The following EFNB2 variants were observed in gnomAD, a reference collection of about 807,000 sequenced individuals.
The protein encoded by EFNB2 is ephrin B2.
EFNB2 carries 5 observed loss-of-function variants against 32.1 expected under a neutral mutation model. The ratio of observed to expected loss-of-function variants is 0.16; its 90% CI spans 0.08 to 0.33. EFNB2 has a LOEUF of 0.33. EFNB2 is among the 10% of genes least tolerant of loss of function. The pLI, the probability that EFNB2 is intolerant of heterozygous loss-of-function variation, is 1.00. For missense variants in EFNB2, 263 were observed against 422.6 expected (o/e 0.62, Z 3.31); for synonymous variants, 168 against 166.5 (o/e 1.01, Z -0.07).
rs879478699 is a variant in EFNB2 at position 106,495,479 on chromosome 13, CTATCTATCTATCTATCTAT to C, written c.499+250_499+268del. On this transcript the variant is annotated intron_variant, in intron 3 of 4. Transcript: ENST00000646441. ...TTGCTTTTTAAAAAGAAATATCTAT[CTATCTATCTATCTATCTAT>C]TATCTATCTATCTATCTATCTATCT... Among the ~76,000 whole-genome samples, 65 of 141,854 alleles carry C rather than the reference CTATCTATCTATCTATCTAT, an allele frequency of 4.6e-4. 1 individual carries two copies. The highest frequency in any genetic ancestry group is 6.7e-4 in the Non-Finnish European group (44 of 65,370). The allele number at this position is 141,854 out of a possible 152,430, so 93.1% of individuals were successfully genotyped here.
At chr13:106,501,334 AT>A (rs61108454) in intron 2 of EFNB2, among the ~76,000 whole-genome samples, 8 of 151,858 alleles carry the variant, frequency 5.3e-5, no homozygotes, top group African/African-American at 1.5e-4. Flanking sequence ...AATTTCATTC[AT>A]TTTTTTTTCT....
intron 2 of EFNB2, among the ~76,000 whole-genome samples, chr13:106,508,349 AAAACTT>A (rs1879028537): frequency 1.3e-5 from 2 of 152,232 alleles, no homozygotes; most frequent in African/African-American, 4.8e-5. Context: ...AACATTAAAA[AAAACTT>A]TAAAGACAAT....
At chr13:106,514,175 T>A (rs1383839042) in intron 1 of EFNB2, among the ~76,000 whole-genome samples, 1 of 152,286 alleles carries the variant, frequency 6.6e-6, no homozygotes, top group East Asian at 1.9e-4. Context: ...CCTTTTTTTT[T>A]AACTGAGCTC....
intron 2 of EFNB2, among the ~76,000 whole-genome samples, chr13:106,504,527 C>T (rs1284857801): frequency 6.6e-6 from 1 of 152,198 alleles, no homozygotes; most frequent in Non-Finnish European, 1.5e-5. Context: ...ACACATGAAC[C>T]TTATTCCGTC....
At chr13:106,511,366 G>A (rs901594360) in intron 2 of EFNB2, among the ~76,000 whole-genome samples, 6 of 152,040 alleles carry the variant, frequency 3.9e-5, no homozygotes, top group African/African-American at 1.2e-4. Flanking sequence ...CCTGTAGTCC[G>A]AGCTACTTGG....
chr13:106,504,888 A>G (rs1319552118), intron 2 of EFNB2, among the ~76,000 whole-genome samples: 3 of 152,160 alleles, frequency 2.0e-5, no homozygotes, highest in East Asian at 1.9e-4. Context: ...GCAACTTTCT[A>G]TTGAGGGGCT....
rs1878606486 is a variant in EFNB2, at chr13:106,496,788, G to C, written c.407-948C>G. ...GTCTCTGAATAGCTTTGTAACTCAA[G>C]CTGTAAAGAGATAGGCTGCCAGGTA... On this transcript the variant is annotated intron_variant, in intron 2 of 4. Coordinates refer to ENST00000646441, the MANE Select transcript of EFNB2 (RefSeq NM_004093.4). Among the ~76,000 whole-genome samples, 3 of 152,142 alleles carry C rather than the reference G, an allele frequency of 2.0e-5. No homozygotes were observed. In the South Asian group the frequency reaches 6.2e-4, roughly 31 times the overall value.
intron 1 of EFNB2, among the ~76,000 whole-genome samples, chr13:106,531,479 G>A (rs1879870465): frequency 6.6e-6 from 1 of 152,182 alleles, no homozygotes; most frequent in East Asian, 1.9e-4. Flanking sequence ...AACGCAAACT[G>A]TGGAGCATAG....
At chr13:106,521,054 T>G (rs2138933017) in intron 1 of EFNB2, 1 of 152,348 alleles carries the variant, frequency 6.6e-6, no homozygotes, top group Middle Eastern at 3.4e-3. Flanking sequence ...TGTATATGTG[T>G]GTTGGAACAA....
At chr13:106,495,699 G>A in intron 3 of EFNB2, 49 bp downstream of exon 3, 1 of 1,568,954 alleles carries the variant, frequency 6.4e-7, no homozygotes, top group Non-Finnish European at 8.8e-7. Flanking sequence ...TACTAGCTGG[G>A]GGCTACACCA....
rs1166755494 is a variant in EFNB2 at position 106,518,710 on chromosome 13, G to T, written c.123-5898C>A. ...TCCGTGGGAAGCCAGCAGTGGAGAAGTTTATGGAGAGCTGTGTAGTGAACC... is the reference window on the plus strand; with the variant it reads ...TCCGTGGGAAGCCAGCAGTGGAGAATTTTATGGAGAGCTGTGTAGTGAACC... On this transcript the variant is annotated intron_variant, in intron 1 of 4. Coordinates refer to ENST00000646441, the MANE Select transcript of EFNB2 (RefSeq NM_004093.4). This position sits in a 1 kb window ranked among gnomAD's most constrained non-coding sequence, Gnocchi z 4.1. 6.6e-6 allele frequency: 1 copy of T among 152,192 alleles called. No individual in the cohort carries two copies. The highest frequency in any genetic ancestry group is 1.5e-5 in the Non-Finnish European group (1 of 68,054). The allele number at this position is 152,192 out of a possible 1,614,324, so 9.4% of individuals were successfully genotyped here.
intron 1 of EFNB2, among the ~76,000 whole-genome samples, chr13:106,513,149 A>C (rs1316299572): frequency 6.6e-6 from 1 of 152,114 alleles, no homozygotes; most frequent in South Asian, 2.1e-4. Context: ...GGTGAGTCAG[A>C]TCTCCCACAT....
chr13:106,513,405 G>A (rs758335263), intron 1 of EFNB2, among the ~76,000 whole-genome samples: 32 of 152,310 alleles, frequency 2.1e-4, no homozygotes, highest in Non-Finnish European at 1.3e-4. Flanking sequence ...TTACAAATGC[G>A]TAAAAGATAA....
At chr13:106,529,504 T>G (rs1879806413) in intron 1 of EFNB2, among the ~76,000 whole-genome samples, 1 of 152,206 alleles carries the variant, frequency 6.6e-6, no homozygotes, top group South Asian at 2.1e-4. Flanking sequence ...CAGCTTTTCT[T>G]TACTGCCTCA....
At chr13:106,501,717 C>T (rs1231329113) in intron 2 of EFNB2, among the ~76,000 whole-genome samples, 6 of 151,912 alleles carry the variant, frequency 3.9e-5, no homozygotes, top group African/African-American at 7.3e-5. Flanking sequence ...CTCAGCCTCC[C>T]GAGTAGCTGG....
chr13:106,497,398 C>T (rs1878625695), intron 2 of EFNB2, among the ~76,000 whole-genome samples: 1 of 150,176 alleles, frequency 6.7e-6, no homozygotes, highest in Non-Finnish European at 1.5e-5. Context: ...TAGTAAGAAG[C>T]AGACAGTATC....
Position 106,492,376 on chromosome 13 carries a change from C to G in EFNB2, c.*664G>C, listed in dbSNP as rs1009968466. On this transcript the variant is annotated 3_prime_UTR_variant, in exon 5 of 5. Transcript: ENST00000646441. The surrounding 1 kb of genome is among the most constrained non-coding windows in gnomAD (Gnocchi z 5.1). ...AGCCTAGCATCTGGCTAAAGGGCAC[C>G]TTGTTAGCAAACACAATTTCTATGA... is the stretch of plus-strand genomic sequence containing the variant. 23 of 149,782 alleles carry G rather than the reference C, an allele frequency of 1.5e-4. No homozygotes were observed. The highest frequency in any genetic ancestry group is 5.6e-4 in the African/African-American group (22 of 38,986). 9.3% of individuals were successfully genotyped at this position (149,782 alleles called of 1,614,324 possible). A position where few individuals can be genotyped will look rare whatever the true frequency, so the allele number is the denominator to read the frequency against.
Position 106,493,434 on chromosome 13 carries a change from G to C in EFNB2, c.614-6C>G, listed in dbSNP as rs766031526. 4 of 1,601,888 alleles carry C rather than the reference G, an allele frequency of 2.5e-6. No individual in the cohort carries two copies. The highest frequency in any genetic ancestry group is 1.7e-6 in the Non-Finnish European group (2 of 1,171,974). On this transcript the variant is annotated splice_polypyrimidine_tract_variant and splice_region_variant and intron_variant, in intron 4 of 4. Transcript: ENST00000646441. The surrounding 1 kb of genome is among the most constrained non-coding windows in gnomAD (Gnocchi z 6.1). Reference sequence around the variant, plus strand: ...GTTGCCGTCTGTGCTAGAACCTGCAGACGCGGAGACAGAAAAGGTCAGAGA... The same window carrying C: ...GTTGCCGTCTGTGCTAGAACCTGCACACGCGGAGACAGAAAAGGTCAGAGA...
chr13:106,497,329 A>C (rs911547852), intron 2 of EFNB2, among the ~76,000 whole-genome samples: 1 of 152,108 alleles, frequency 6.6e-6, no homozygotes, highest in Admixed American at 6.5e-5. Flanking sequence ...GTAACTGTGG[A>C]TAAATTTTTC....
Sources: gnomAD v4.1 joint callset for allele counts (sites outside exome capture counted in the v4.1 genomes callset) on GRCh38, gnomAD v4.1.1 for gene constraint, Gnocchi (gnomAD v3.1) non-coding constraint, MANE v1.5 for transcripts, NCBI Gene and HGNC (gene_info 2026-07-23, HGNC 2026-07-21) for gene names.